PTPRZ1: variants seen among roughly 807,000 people sequenced by gnomAD.
PTPRZ1 encodes protein tyrosine phosphatase receptor type Z1.
A neutral mutation model predicts 214.1 loss-of-function variants in PTPRZ1; 82 were observed. The observed-to-expected ratio is 0.38, with a 90% CI of 0.32 to 0.46. The LOEUF is 0.46. Among genes scored for constraint, PTPRZ1 ranks in the 20% least tolerant of loss-of-function variants. PTPRZ1 has a pLI of 1.00. For synonymous variants in PTPRZ1, 945 were observed against 987.9 expected, an observed-to-expected ratio of 0.96 and a Z score of 0.81; for missense variants, 2,603 against 2,748.7, an observed-to-expected ratio of 0.95 and a Z score of 1.19.
At chr7:122,050,614 A>G (rs1792151123) in intron 23 of PTPRZ1, among the ~76,000 whole-genome samples, 1 of 152,154 alleles carries the variant, frequency 6.6e-6, no homozygotes, top group African/African-American at 2.4e-5. Flanking sequence ...CTGTGTGATT[A>G]AAGAAACTGA....
intron 17 of PTPRZ1, among the ~76,000 whole-genome samples, 188 bp downstream of exon 17, chr7:122,034,566 A>G (rs555324210): frequency 2.0e-5 from 3 of 152,292 alleles, no homozygotes; most frequent in East Asian, 1.9e-4. Flanking sequence ...ACCTTCTGCA[A>G]TTAATAACAT....
chr7:121,981,302 A>T (rs1797605920), intron 6 of PTPRZ1, among the ~76,000 whole-genome samples: 1 of 152,152 alleles, frequency 6.6e-6, no homozygotes, highest in African/African-American at 2.4e-5. Flanking sequence ...TCTTAATGCA[A>T]ATGGTCTAGC....
chr7:121,920,308 A>G (rs1248947603), intron 1 of PTPRZ1, among the ~76,000 whole-genome samples: 1 of 152,168 alleles, frequency 6.6e-6, no homozygotes, highest in African/African-American at 2.4e-5. Flanking sequence ...GCTAAATAAT[A>G]CTATTATGGT....
At chr7:121,873,701 G>A in intron 1 of PTPRZ1, 144 bp downstream of exon 1, 7 of 1,023,618 alleles carry the variant, frequency 6.8e-6, no homozygotes, top group Admixed American at 2.1e-5. Flanking sequence ...CCCACGGAGC[G>A]GGCGGCCGCG....
chr7:122,016,856 T>C (rs1045430479), intron 12 of PTPRZ1, among the ~76,000 whole-genome samples: 1 of 152,090 alleles, frequency 6.6e-6, no homozygotes, highest in African/African-American at 2.4e-5. Context: ...GTACATATAT[T>C]AATCTACATC....
chr7:121,893,156 C>T (rs2116225104), intron 1 of PTPRZ1, among the ~76,000 whole-genome samples: 1 of 152,070 alleles, frequency 6.6e-6, no homozygotes, highest in Non-Finnish European at 1.5e-5. Flanking sequence ...GGTGATCTGC[C>T]TTTTGAATCT....
intron 2 of PTPRZ1, among the ~76,000 whole-genome samples, chr7:121,948,999 C>T (rs1329713235): frequency 6.6e-6 from 1 of 152,042 alleles, no homozygotes; most frequent in East Asian, 1.9e-4. Flanking sequence ...ATAACACAGC[C>T]TCAGGAGGTC....
At chr7:121,885,586 A>T (rs771333679) in intron 1 of PTPRZ1, among the ~76,000 whole-genome samples, 1 of 152,144 alleles carries the variant, frequency 6.6e-6, no homozygotes, top group Non-Finnish European at 1.5e-5. Flanking sequence ...CTAACTTCTC[A>T]TTACTTTTTA....
chr7:121,881,070 C>T (rs1043904070), intron 1 of PTPRZ1, among the ~76,000 whole-genome samples: 5 of 152,116 alleles, frequency 3.3e-5, no homozygotes, highest in African/African-American at 1.2e-4. Flanking sequence ...CCATTGTGAT[C>T]GTATTTGGGG....
intron 2 of PTPRZ1, among the ~76,000 whole-genome samples, chr7:121,944,705 T>C (rs1180873602): frequency 1.3e-5 from 2 of 151,724 alleles, no homozygotes; most frequent in East Asian, 3.9e-4. Flanking sequence ...TGCAGTGGGG[T>C]GATCTCAGCT....
chr7:121,908,690 T>G, intron 1 of PTPRZ1: 1 of 472,868 alleles, frequency 2.1e-6, no homozygotes, highest in South Asian at 1.6e-5. Context: ...CTATTCAAAA[T>G]GGGTTATTGA....
intron 1 of PTPRZ1, 91 bp from the exon 2 acceptor site, chr7:121,928,065 G>T: frequency 5.6e-6 from 5 of 889,536 alleles, no homozygotes; most frequent in East Asian, 2.4e-5. Flanking sequence ...GAGTAATCAA[G>T]AACTATTTAT....
At chr7:122,024,362 A>G (rs1799143370) in intron 13 of PTPRZ1, among the ~76,000 whole-genome samples, 2 of 152,260 alleles carry the variant, frequency 1.3e-5, no homozygotes, top group South Asian at 2.1e-4. Context: ...AGGACTTCAC[A>G]TAAACACAAT....
At chr7:122,053,786 C>T in intron 25 of PTPRZ1, 124 bp from the exon 26 acceptor site, 2 of 1,173,932 alleles carry the variant, frequency 1.7e-6, no homozygotes, top group East Asian at 2.4e-5. Flanking sequence ...CATATTACTA[C>T]ATATAGACAC....
chr7:122,048,054 TAATACAGTA>T (rs1352876045), intron 23 of PTPRZ1, among the ~76,000 whole-genome samples: 1 of 152,104 alleles, frequency 6.6e-6, no homozygotes, highest in Non-Finnish European at 1.5e-5. Flanking sequence ...TCTCAGAGTA[TAATACAGTA>T]AAAATTGGAA....
intron 1 of PTPRZ1, among the ~76,000 whole-genome samples, chr7:121,875,784 A>C (rs984283515): frequency 2.0e-5 from 3 of 152,226 alleles, no homozygotes; most frequent in Admixed American, 2.0e-4. Context: ...GTTTTGAAAA[A>C]GTGAGGCACA....
chr7:121,894,670 T>C (rs1255961009), intron 1 of PTPRZ1, among the ~76,000 whole-genome samples: 1 of 152,200 alleles, frequency 6.6e-6, no homozygotes, highest in East Asian at 1.9e-4. Flanking sequence ...CCTCCCAAAA[T>C]GTTGGCATTG....
At chr7:121,937,371 G>A (rs1379936820) in intron 2 of PTPRZ1, among the ~76,000 whole-genome samples, 1 of 152,158 alleles carries the variant, frequency 6.6e-6, no homozygotes, top group Non-Finnish European at 1.5e-5. Context: ...CAGAGACTGA[G>A]GGCAGAGTGG....
chr7:122,040,201 G>A (rs1799680195), intron 20 of PTPRZ1, among the ~76,000 whole-genome samples: 1 of 152,116 alleles, frequency 6.6e-6, no homozygotes, highest in Non-Finnish European at 1.5e-5. Flanking sequence ...AAAAAGAGTG[G>A]AGAGTGAAAC....
Sources: gnomAD v4.1 joint callset for allele counts (sites outside exome capture counted in the v4.1 genomes callset) on GRCh38, gnomAD v4.1.1 for gene constraint, MANE v1.5 for transcripts, NCBI Gene and HGNC (gene_info 2026-07-23, HGNC 2026-07-21) for gene names.